The following ADAMTS20 variants were observed in gnomAD, a reference collection of about 807,000 sequenced individuals.
ADAMTS20 encodes ADAM metallopeptidase with thrombospondin type 1 motif 20.
A neutral mutation model predicts 260.1 loss-of-function variants in ADAMTS20; 225 were observed. That is an observed-to-expected ratio of 0.87 (90% CI 0.78 to 0.97). The LOEUF (loss-of-function observed/expected upper bound fraction) is 0.97, where lower values mean the gene tolerates loss of function less well. Ranked by LOEUF, ADAMTS20 falls within the 50% of genes least tolerant of loss-of-function variation. The pLI, the probability that ADAMTS20 is intolerant of heterozygous loss-of-function variation, is 0.00. For missense variants in ADAMTS20, 2,400 were observed against 2,337.7 expected, an observed-to-expected ratio of 1.03 and a Z score of -0.55; for synonymous variants, 802 against 769.5, an observed-to-expected ratio of 1.04 and a Z score of -0.70.
chr12:43,396,503 C>T (rs1413760131), intron 29 of ADAMTS20, among the ~76,000 whole-genome samples: 1 of 152,064 alleles, frequency 6.6e-6, no homozygotes, highest in Non-Finnish European at 1.5e-5. Context: ...CGTGTGGGTG[C>T]TTTTTATAGA....
rs577136908 is a variant in ADAMTS20 at position 43,502,940 on chromosome 12, A to G, written c.614-535T>C. ...GTGGGTGAATCTATTGAATCCAGAA[A>G]GGCAAATGTTCCTATAAATTTTTTA... On this transcript the variant is annotated intron_variant, in intron 3 of 38. Transcript: ENST00000389420. Among the ~76,000 whole-genome samples, 3 of 152,306 alleles carry G rather than the reference A, an allele frequency of 2.0e-5. No individual in the cohort carries two copies. In the East Asian group the frequency reaches 5.8e-4, roughly 29 times the overall value.
chr12:43,442,533 C>G (rs1370987101), intron 16 of ADAMTS20, among the ~76,000 whole-genome samples: 1 of 152,166 alleles, frequency 6.6e-6, no homozygotes, highest in Non-Finnish European at 1.5e-5. Context: ...GCTGGGATTA[C>G]AGGCATGAGC....
chr12:43,481,792 A>G (rs1942445967), intron 7 of ADAMTS20, among the ~76,000 whole-genome samples: 1 of 152,220 alleles, frequency 6.6e-6, no homozygotes, highest in South Asian at 2.1e-4. Flanking sequence ...CCACCCGGAA[A>G]GACAAAATAG....
At chr12:43,434,469 T>C in intron 18 of ADAMTS20, 98 bp from the exon 19 acceptor site, 1 of 1,289,420 alleles carries the variant, frequency 7.8e-7, no homozygotes, top group Non-Finnish European at 1.0e-6. Flanking sequence ...AGGAGCCAGC[T>C]AAGCAAGTAA....
At chr12:43,511,539 T>G (rs60035626) in intron 3 of ADAMTS20, among the ~76,000 whole-genome samples, 13,221 of 151,804 alleles carry the variant, frequency 0.087, 723 homozygotes, top group Admixed American at 0.19. Flanking sequence ...AGGAGAGAGA[T>G]AGAAAGAAGA....
At chr12:43,400,461 T>C (rs775210425) in intron 28 of ADAMTS20, among the ~76,000 whole-genome samples, 1 of 152,036 alleles carries the variant, frequency 6.6e-6, no homozygotes, top group Non-Finnish European at 1.5e-5. Flanking sequence ...TAAGAACTAT[T>C]ATCATATCTT....
At chr12:43,381,202 A>C (rs1413983409) in intron 31 of ADAMTS20, among the ~76,000 whole-genome samples, 2 of 152,138 alleles carry the variant, frequency 1.3e-5, no homozygotes, top group Non-Finnish European at 2.9e-5. Flanking sequence ...ATCACATACA[A>C]AAATTAACTC....
chr12:43,511,933 C>T (rs1171146701), intron 3 of ADAMTS20, among the ~76,000 whole-genome samples: 1 of 152,022 alleles, frequency 6.6e-6, no homozygotes, highest in East Asian at 1.9e-4. Flanking sequence ...TAAAGTGTGA[C>T]CATATCAGAT....
intron 3 of ADAMTS20, among the ~76,000 whole-genome samples, chr12:43,520,429 C>G (rs529284047): frequency 6.6e-6 from 1 of 152,064 alleles, no homozygotes; most frequent in Non-Finnish European, 1.5e-5. Flanking sequence ...AAACCAGTAA[C>G]AACCAAGAAG....
At position 43,430,365 on chromosome 12, in the gene ADAMTS20, G is replaced by A; in HGVS notation, c.3368C>T (p.Pro1123Leu). The A allele has an allele frequency of 4.3e-6, 7 of 1,610,600 alleles. No homozygotes were observed. The highest frequency in any genetic ancestry group is 5.9e-6 in the Non-Finnish European group (7 of 1,178,180). ...EDTECHEASR[P>L]SDRQSCVLTP... ...GATTCTTTTTACCTGTCTGTCACTG[G>A]GGCGACTAGCTTCATGGCATTCTGT... The change falls in exon 23 of 39, where the codon CCC (proline) becomes CTC (leucine). Residue 1123 changes from proline (P) to leucine (L), a missense_variant. By Grantham distance (98) the Pro-to-Leu change is moderately conservative. Transcript: ENST00000389420.
chr12:43,432,261 A>T (rs770234287), intron 21 of ADAMTS20, 43 bp downstream of exon 21: 5 of 1,574,750 alleles, frequency 3.2e-6, no homozygotes, highest in Admixed American at 1.8e-5. Context: ...AGCTTTACTA[A>T]CACAATATTT....
Position 43,447,369 on chromosome 12 carries a change from T to C in ADAMTS20, c.2080-657A>G, listed in dbSNP as rs569347348. Among the ~76,000 whole-genome samples the C allele has an allele frequency of 9.2e-5, 14 of 152,236 alleles. 1 individual carries two copies. In the South Asian group the frequency reaches 2.7e-3, roughly 29 times the overall value. ...AAATCAACAAATGCAATTCATCACA[T>C]AAACAGAACAAAATACAAAAATCAC... On this transcript the variant is annotated intron_variant, in intron 14 of 38. Coordinates refer to ENST00000389420, the MANE Select transcript of ADAMTS20 (RefSeq NM_025003.5).
intron 11 of ADAMTS20, among the ~76,000 whole-genome samples, chr12:43,455,039 T>A (rs1328653694): frequency 6.6e-6 from 1 of 152,156 alleles, no homozygotes; most frequent in Non-Finnish European, 1.5e-5. Context: ...ACCCATTAAA[T>A]GACAACTCCC....
chr12:43,502,161 T>A lies in ADAMTS20; in HGVS notation c.858A>T (p.Leu286=). The A allele has an allele frequency of 6.4e-7, 1 of 1,572,936 alleles. No individual in the cohort carries two copies. The highest frequency in any genetic ancestry group is 8.6e-7 in the Non-Finnish European group (1 of 1,165,618). Residue 286 remains leucine, a synonymous_variant, in exon 4 of 39, where the codon CTA becomes CTT. Transcript: ENST00000389420. ...GSNLQNYILT[L]MSIVATIYKD... is the part of the protein sequence containing the mutation. ...TATTAAGTTTACTTACAATTGACAT[T>A]AGAGTCAGTATATAGTTTTGCAAAT...
chr12:43,391,264 T>C (rs1038907598), intron 29 of ADAMTS20, among the ~76,000 whole-genome samples: 8 of 152,248 alleles, frequency 5.3e-5, no homozygotes, highest in African/African-American at 1.9e-4. Flanking sequence ...CTAAAGTCCC[T>C]ACCTCCTAAT....
rs1491581398 is a variant in ADAMTS20 at position 43,501,506 on chromosome 12, T to TCACACAC, written c.867+645_867+646insGTGTGTG. Among the ~76,000 whole-genome samples the TCACACAC allele has an allele frequency of 2.7e-4, 19 of 71,386 alleles. 1 individual carries two copies. The South Asian group carries it at 9.5e-3, about 36-fold the overall frequency. The allele number at this position is 71,386 out of a possible 152,430, so 46.8% of individuals were successfully genotyped here. A position where few individuals can be genotyped will look rare whatever the true frequency, so the allele number is the denominator to read the frequency against. ...GCACACACACACACACACACACATG[T>TCACACAC]AAGGATGAAGCGTGATGCCACTTAC... On this transcript the variant is annotated intron_variant, in intron 4 of 38. Transcript: ENST00000389420.
rs1374948529 is a variant in ADAMTS20, at chr12:43,466,788, C to T, written c.1231G>A (p.Val411Ile). The T allele has an allele frequency of 1.9e-6, 3 of 1,590,110 alleles. No homozygotes were observed. Among genetic ancestry groups the T allele is most frequent in the Non-Finnish European group, 1.7e-6 (2 of 1,167,016 alleles). Residue 411 changes from valine (V) to isoleucine (I), a missense_variant, in exon 9 of 39, where the codon GTT (valine) becomes ATT (isoleucine). Val to Ile is a conservative substitution (Grantham distance 29, BLOSUM62 3). Coordinates refer to ENST00000389420, the MANE Select transcript of ADAMTS20 (RefSeq NM_025003.5). ...CATCTAGGATTATCATCATGTTGAA[C>T]ACCAAGTCTAAAAATAAAAATAAAC... ...IAHELGHTLG[V>I]QHDDNPRCKE...
intron 2 of ADAMTS20, 60 bp from the exon 3 acceptor site, chr12:43,532,255 A>T (rs1342105960): frequency 6.8e-7 from 1 of 1,461,144 alleles, no homozygotes; most frequent in Non-Finnish European, 9.3e-7. Flanking sequence ...GAAAAAACAC[A>T]TAGTACCACA....
At chr12:43,459,133 T>C (rs1170779061) in intron 11 of ADAMTS20, among the ~76,000 whole-genome samples, 1 of 152,098 alleles carries the variant, frequency 6.6e-6, no homozygotes, top group African/African-American at 2.4e-5. Context: ...TTCTGGTCCA[T>C]GTTTGTTACA....
Sources: gnomAD v4.1 joint callset for allele counts (sites outside exome capture counted in the v4.1 genomes callset) on GRCh38, gnomAD v4.1.1 for gene constraint, MANE v1.5 for transcripts, NCBI Gene and HGNC (gene_info 2026-07-23, HGNC 2026-07-21) for gene names.